GALNT13: variants seen among roughly 807,000 people sequenced by gnomAD.
GALNT13 encodes polypeptide N-acetylgalactosaminyltransferase 13.
Under a neutral mutation model 64.2 loss-of-function variants are expected in GALNT13, and 28 were observed. That is an observed-to-expected ratio of 0.44 (90% CI 0.32 to 0.60). The LOEUF is 0.60. Ranked by LOEUF, GALNT13 falls within the 20% of genes least tolerant of loss-of-function variation. The pLI is 0.05. For missense variants in GALNT13, 577 were observed against 669.8 expected (o/e 0.86, Z 1.53); for synonymous variants, 214 against 224.6 (o/e 0.95, Z 0.42).
At chr2:153,166,219 CTG>C in the GALNT13 span, among the ~76,000 whole-genome samples, 1 of 152,228 alleles carries the variant, frequency 6.6e-6, no homozygotes, top group East Asian at 1.9e-4. Flanking sequence ...CCTCCCCTAA[CTG>C]TGGGTGAAAT....
intron 9 of GALNT13, among the ~76,000 whole-genome samples, chr2:154,367,839 A>T (rs1697457657): frequency 6.6e-6 from 1 of 152,218 alleles, no homozygotes; most frequent in Admixed American, 6.5e-5. Context: ...TCTGAAGCAG[A>T]ATAATTTATG....
chr2:154,193,732 A>T (rs1686724394), intron 4 of GALNT13, among the ~76,000 whole-genome samples: 3 of 152,170 alleles, frequency 2.0e-5, no homozygotes, highest in Admixed American at 2.0e-4. Flanking sequence ...TTGCTTTCTA[A>T]TGTTTATAGG....
intron 4 of GALNT13, among the ~76,000 whole-genome samples, chr2:154,192,615 AT>A (rs1175297029): frequency 2.6e-5 from 4 of 152,114 alleles, no homozygotes; most frequent in South Asian, 4.1e-4. Flanking sequence ...ATCTTTATAA[AT>A]TTTTTTTATC....
Position 154,171,298 on chromosome 2 carries a change from CT to C in GALNT13, c.311+30794del, listed in dbSNP as rs537481122. 7.9e-5 allele frequency among the ~76,000 whole-genome samples: 12 copies of C among 152,236 alleles called. 1 individual carries two copies. The highest frequency in any genetic ancestry group is 6.8e-3 in the Middle Eastern group (2 of 294). On this transcript the variant is annotated intron_variant, in intron 4 of 12. Coordinates refer to ENST00000392825, the MANE Select transcript of GALNT13 (RefSeq NM_052917.4). ...GGGAGGGAATTAATACCACCTACTA[CT>C]CTAGAAACTTGTTCTCAATTCCGCT...
At chr2:153,696,043 T>C in the GALNT13 span, among the ~76,000 whole-genome samples, 1 of 152,216 alleles carries the variant, frequency 6.6e-6, no homozygotes, top group African/African-American at 2.4e-5. Flanking sequence ...TTAAGGAGTA[T>C]TGATACACAC....
At chr2:153,300,283 A>G in the GALNT13 span, among the ~76,000 whole-genome samples, 1 of 151,998 alleles carries the variant, frequency 6.6e-6, no homozygotes, top group African/African-American at 2.4e-5. Context: ...AATTTTTCTC[A>G]CTCTCTCAGC....
At chr2:154,242,229 T>C in intron 5 of GALNT13, 33 bp downstream of exon 5, 1 of 1,594,350 alleles carries the variant, frequency 6.3e-7, no homozygotes, top group Non-Finnish European at 8.5e-7. Context: ...TGTTTTTGTT[T>C]TTTTGTTTTG....
chr2:154,094,528 GA>G (rs1265228049), intron 3 of GALNT13, among the ~76,000 whole-genome samples: 9 of 151,804 alleles, frequency 5.9e-5, no homozygotes, highest in African/African-American at 2.2e-4. Flanking sequence ...ATTTTTGTGA[GA>G]AAATAGTATT....
At chr2:153,102,086 T>C in the GALNT13 span, among the ~76,000 whole-genome samples, 1 of 152,170 alleles carries the variant, frequency 6.6e-6, no homozygotes, top group Non-Finnish European at 1.5e-5. Flanking sequence ...TCTTGCTCTT[T>C]CCCTCTTTTG....
At chr2:153,375,755 C>T in the GALNT13 span, among the ~76,000 whole-genome samples, 1 of 152,190 alleles carries the variant, frequency 6.6e-6, no homozygotes, top group Non-Finnish European at 1.5e-5. Context: ...GATCCCTCAG[C>T]TGAGTCCCCA....
At chr2:153,901,555 T>C (rs374947845) in intron 2 of GALNT13, among the ~76,000 whole-genome samples, 1 of 152,094 alleles carries the variant, frequency 6.6e-6, no homozygotes, top group African/African-American at 2.4e-5. Flanking sequence ...GGTATTTTAT[T>C]CTTTTGGGGG....
the GALNT13 span, among the ~76,000 whole-genome samples, chr2:153,280,929 G>T: frequency 1.3e-5 from 2 of 152,120 alleles, no homozygotes; most frequent in African/African-American, 4.8e-5. Context: ...TTACTTTTCT[G>T]TCTGGATGAC....
chr2:154,210,527 A>G (rs1687701412), intron 4 of GALNT13, among the ~76,000 whole-genome samples: 1 of 152,152 alleles, frequency 6.6e-6, no homozygotes, highest in African/African-American at 2.4e-5. Context: ...GTACCTACTC[A>G]TATAAATTAC....
chr2:153,345,703 C>CTTTT, the GALNT13 span, among the ~76,000 whole-genome samples: 1 of 65,770 alleles, frequency 1.5e-5, no homozygotes, highest in Non-Finnish European at 3.4e-5. Flanking sequence ...TTCTTTCTTT[C>CTTTT]TCTTTCTCTC....
At chr2:153,900,588 G>A (rs1435954654) in intron 1 of GALNT13, among the ~76,000 whole-genome samples, 2 of 152,036 alleles carry the variant, frequency 1.3e-5, no homozygotes, top group Non-Finnish European at 2.9e-5. Flanking sequence ...AACTCTCCAC[G>A]TATATTTACT....
chr2:153,408,892 A>G, the GALNT13 span, among the ~76,000 whole-genome samples: 3 of 152,186 alleles, frequency 2.0e-5, no homozygotes, highest in South Asian at 6.2e-4. Context: ...GGCAGATGCA[A>G]CCTTAATCTG....
intron 2 of GALNT13, among the ~76,000 whole-genome samples, chr2:153,913,392 C>G (rs1689115343): frequency 6.6e-6 from 1 of 152,142 alleles, no homozygotes. Context: ...TCTGTGCACA[C>G]ATGTCCTGTC....
intron 8 of GALNT13, among the ~76,000 whole-genome samples, chr2:154,298,359 T>C (rs1216357498): frequency 7.4e-6 from 1 of 135,052 alleles, no homozygotes; most frequent in African/African-American, 2.7e-5. Flanking sequence ...ACTAAATACA[T>C]ATATAATATC....
chr2:153,863,888 G>T, the GALNT13 span, among the ~76,000 whole-genome samples: 1 of 152,130 alleles, frequency 6.6e-6, no homozygotes, highest in Non-Finnish European at 1.5e-5. Context: ...TTGAGAGATT[G>T]TGTATGTGTA....
Sources: allele counts gnomAD v4.1 joint callset (sites outside exome capture counted in the v4.1 genomes callset), GRCh38; gene constraint gnomAD v4.1.1; transcripts MANE v1.5; gene names NCBI Gene and HGNC (gene_info 2026-07-23, HGNC 2026-07-21).